The following PRELID2 variants were observed in gnomAD, a reference collection of about 807,000 sequenced individuals.
PRELID2 encodes the protein PRELI domain containing 2, also known as PRELI domain-containing protein 2.
Under a neutral mutation model 28.4 loss-of-function variants are expected in PRELID2, and 25 were observed. That is an observed-to-expected ratio of 0.88 (90% CI 0.64 to 1.23). The LOEUF (loss-of-function observed/expected upper bound fraction) is 1.23, where lower values mean the gene tolerates loss of function less well. PRELID2 is among the 50% of genes most tolerant of loss of function. The pLI, the probability that PRELID2 is intolerant of heterozygous loss-of-function variation, is 0.00. For missense variants in PRELID2, 201 were observed against 214.4 expected (o/e 0.94, Z 0.39); for synonymous variants, 76 against 71.6 (o/e 1.06, Z -0.31).
the PRELID2 span, among the ~76,000 whole-genome samples, chr5:145,240,673 G>T: frequency 4.6e-5 from 7 of 151,864 alleles, no homozygotes; most frequent in Non-Finnish European, 1.0e-4. Context: ...TTTAAAAACC[G>T]GTAGAATTGC....
the PRELID2 span, among the ~76,000 whole-genome samples, chr5:145,402,658 T>C: frequency 6.6e-6 from 1 of 152,140 alleles, no homozygotes; most frequent in South Asian, 2.1e-4. Flanking sequence ...TCACAATAGA[T>C]ATATTAGTGT....
intron 6 of PRELID2, among the ~76,000 whole-genome samples, chr5:145,763,248 C>T (rs570073081): frequency 2.6e-5 from 4 of 152,314 alleles, no homozygotes; most frequent in African/African-American, 4.8e-5. Context: ...ACAAGAGGTG[C>T]TTAGTGAGCC....
chr5:145,434,877 G>GGTGT, the PRELID2 span, among the ~76,000 whole-genome samples: 1 of 152,192 alleles, frequency 6.6e-6, no homozygotes, highest in Non-Finnish European at 1.5e-5. Context: ...TTCTGAGCTA[G>GGTGT]ATGAGAGGTG....
chr5:145,621,626 A>G (rs1581008390), intron 1 of PRELID2, among the ~76,000 whole-genome samples: 1 of 152,334 alleles, frequency 6.6e-6, no homozygotes, highest in East Asian at 1.9e-4. Context: ...GGCAAAAATG[A>G]ATAAATTAAT....
At chr5:145,277,080 A>G in the PRELID2 span, among the ~76,000 whole-genome samples, 2,109 of 152,118 alleles carry the variant, frequency 0.014, 55 homozygotes, top group African/African-American at 0.047. Context: ...GTTTGAGGGT[A>G]CCTTCTCTGT....
chr5:145,256,211 C>A, the PRELID2 span, among the ~76,000 whole-genome samples: 1 of 151,906 alleles, frequency 6.6e-6, no homozygotes, highest in Non-Finnish European at 1.5e-5. Context: ...TTCCTCCTTC[C>A]ATCTTCAAAT....
At chr5:145,374,630 C>T in the PRELID2 span, among the ~76,000 whole-genome samples, 1 of 152,120 alleles carries the variant, frequency 6.6e-6, no homozygotes, top group East Asian at 1.9e-4. Context: ...TCAATCACAG[C>T]TTTGGTCTTT....
rs144958897 is a variant in PRELID2, at chr5:145,532,513, A to T, written n.71-59198T>A. ...AATCTGCTCTTAGTGACTGTCAAGT[A>T]TACAAAAACTTAACTATAGTGACCT... On this transcript the variant is annotated intron_variant and non_coding_transcript_variant, in intron 1 of 2. Coordinates refer to the PRELID2 transcript ENST00000510259. Among the ~76,000 whole-genome samples, 461 of 152,206 alleles carry T rather than the reference A, an allele frequency of 3.0e-3. 4 individuals carry two copies. The highest frequency in any genetic ancestry group is 0.011 in the African/African-American group (444 of 41,530).
At chr5:145,405,590 C>A in the PRELID2 span, among the ~76,000 whole-genome samples, 1 of 151,596 alleles carries the variant, frequency 6.6e-6, no homozygotes, top group African/African-American at 2.4e-5. Context: ...TGCTTAGCTT[C>A]TGGGGAGGCC....
chr5:145,575,004 C>T (rs1753048638), intron 1 of PRELID2, among the ~76,000 whole-genome samples: 1 of 152,136 alleles, frequency 6.6e-6, no homozygotes, highest in Non-Finnish European at 1.5e-5. Context: ...AAAGGATTGA[C>T]TATACTCACA....
At chr5:145,408,822 T>C in the PRELID2 span, among the ~76,000 whole-genome samples, 1 of 152,188 alleles carries the variant, frequency 6.6e-6, no homozygotes, top group Non-Finnish European at 1.5e-5. Context: ...AAAACCTTCC[T>C]GATCTTGCTA....
chr5:145,424,646 C>T, the PRELID2 span, among the ~76,000 whole-genome samples: 140 of 152,176 alleles, frequency 9.2e-4, no homozygotes, highest in Middle Eastern at 6.8e-3. Context: ...GAGATGAACC[C>T]GGTACCTCAG....
chr5:145,402,271 A>C, the PRELID2 span, among the ~76,000 whole-genome samples: 1 of 152,100 alleles, frequency 6.6e-6, no homozygotes, highest in African/African-American at 2.4e-5. Flanking sequence ...GAGTGGGTAA[A>C]AGCTAAGGGA....
the PRELID2 span, among the ~76,000 whole-genome samples, chr5:145,278,969 C>A: frequency 6.6e-6 from 1 of 152,098 alleles, no homozygotes; most frequent in Non-Finnish European, 1.5e-5. Flanking sequence ...TGACCCCGAA[C>A]AAAAACACTG....
At chr5:145,593,471 C>CAAT (rs1753259266) in intron 1 of PRELID2, among the ~76,000 whole-genome samples, 1 of 152,118 alleles carries the variant, frequency 6.6e-6, no homozygotes, top group Non-Finnish European at 1.5e-5. Flanking sequence ...CAACTGGAGT[C>CAAT]CATTGCAATC....
chr5:145,615,312 GA>G lies in PRELID2; in HGVS notation n.71-141998del, dbSNP rs541845041. Among the ~76,000 whole-genome samples, 125 of 139,188 alleles carry G rather than the reference GA, an allele frequency of 9.0e-4. 2 individuals carry two copies. Among genetic ancestry groups the G allele is most frequent in the African/African-American group, 3.3e-3 (116 of 35,558 alleles). 91.3% of individuals were successfully genotyped at this position (139,188 alleles called of 152,430 possible). A position where few individuals can be genotyped will look rare whatever the true frequency, so the allele number is the denominator to read the frequency against. ...TTATGTGAGTCCTTATGTGTTATGT[GA>G]GTCTCTTTTTTTTGTTTTTTTTTTT... On this transcript the variant is annotated intron_variant and non_coding_transcript_variant, in intron 1 of 2. Coordinates refer to the PRELID2 transcript ENST00000510259.
the PRELID2 span, among the ~76,000 whole-genome samples, chr5:145,232,073 A>G: frequency 1.3e-5 from 2 of 152,112 alleles, no homozygotes; most frequent in East Asian, 3.9e-4. Flanking sequence ...TGAAACTTTT[A>G]GGACACTAGT....
the PRELID2 span, among the ~76,000 whole-genome samples, chr5:145,361,155 T>A: frequency 3.3e-5 from 5 of 152,218 alleles, 1 homozygote; most frequent in African/African-American, 1.2e-4. Flanking sequence ...TGCCATAGTA[T>A]TTGATACTGC....
intron 1 of PRELID2, among the ~76,000 whole-genome samples, chr5:145,568,016 G>T (rs934362921): frequency 3.3e-5 from 5 of 152,132 alleles, no homozygotes; most frequent in Non-Finnish European, 7.4e-5. Flanking sequence ...AATTCTGGAC[G>T]ATACTGGGCC....
Sources: gnomAD v4.1 joint callset for allele counts (sites outside exome capture counted in the v4.1 genomes callset) on GRCh38, gnomAD v4.1.1 for gene constraint, MANE v1.5 for transcripts, NCBI Gene and HGNC (gene_info 2026-07-23, HGNC 2026-07-21) for gene names.